The following BRINP2 variants were observed in gnomAD, a reference collection of about 807,000 sequenced individuals.
The protein encoded by BRINP2 is BMP/retinoic acid inducible neural specific 2.
Under a neutral mutation model 69.2 loss-of-function variants are expected in BRINP2, and 21 were observed. The ratio of observed to expected loss-of-function variants is 0.30; its 90% CI spans 0.22 to 0.44. The LOEUF (loss-of-function observed/expected upper bound fraction) is 0.44, where lower values mean the gene tolerates loss of function less well. BRINP2 is among the 20% of genes least tolerant of loss of function. BRINP2 has a pLI of 1.00. For synonymous variants in BRINP2, 380 were observed against 394.1 expected (o/e 0.96, Z 0.42); for missense variants, 877 against 986.0 (o/e 0.89, Z 1.48).
At chr1:177,262,930 T>G (rs573801353) in intron 4 of BRINP2, among the ~76,000 whole-genome samples, 306 of 152,306 alleles carry the variant, frequency 2.0e-3, no homozygotes, top group Admixed American at 4.6e-3. Context: ...AGCATAGTCG[T>G]AAGTTTTATC....
At chr1:177,274,054 C>G (rs980607731) in intron 5 of BRINP2, among the ~76,000 whole-genome samples, 1 of 152,002 alleles carries the variant, frequency 6.6e-6, no homozygotes, top group East Asian at 1.9e-4. Flanking sequence ...GGGACCACTA[C>G]TTACTGGAAC....
rs1428075438 is a variant in BRINP2, at chr1:177,281,216, T to G, written c.2040T>G (p.Ile680Met). The change falls in exon 8 of 8, where the codon ATT (isoleucine) becomes ATG (methionine). Residue 680 changes from isoleucine to methionine, a missense_variant. Physicochemically the swap from Ile to Met is conservative, Grantham distance 10. Around this residue, in one of 3 missense-constraint regions of BRINP2, gnomAD observed 225 missense variants for 218.7 expected, o/e 1.03. Coordinates refer to ENST00000361539, the MANE Select transcript of BRINP2 (RefSeq NM_021165.4). ...DPSKNLGYMKINTLQVFGYSL... is the reference protein window; with the variant it reads ...DPSKNLGYMKMNTLQVFGYSL... ...CTAAGAATTTGGGTTACATGAAAAT[T>G]AACACCTTGCAGGTCTTTGGCTACA... 37 of 1,614,090 alleles carry G rather than the reference T, an allele frequency of 2.3e-5. No individual in the cohort carries two copies. Among genetic ancestry groups the G allele is most frequent in the Non-Finnish European group, 3.1e-5 (36 of 1,180,046 alleles).
intron 1 of BRINP2, among the ~76,000 whole-genome samples, chr1:177,204,757 A>G (rs1047610272): frequency 1.3e-5 from 2 of 152,208 alleles, no homozygotes; most frequent in African/African-American, 4.8e-5. Flanking sequence ...AATGAAGCAA[A>G]TTTTAACTAC....
intron 2 of BRINP2, among the ~76,000 whole-genome samples, chr1:177,244,491 G>A (rs902374972): frequency 2.1e-4 from 32 of 152,138 alleles, no homozygotes; most frequent in Non-Finnish European, 4.0e-4. Context: ...TTAGCTGGGC[G>A]TGTTGGCATG....
At chr1:177,247,745 G>C (rs1446033717) in intron 2 of BRINP2, among the ~76,000 whole-genome samples, 1 of 152,224 alleles carries the variant, frequency 6.6e-6, no homozygotes, top group Admixed American at 6.5e-5. Context: ...AATGGGTTCC[G>C]TGGCTGCCTT....
At chr1:177,202,135 A>G (rs1648932469) in intron 1 of BRINP2, among the ~76,000 whole-genome samples, 1 of 151,910 alleles carries the variant, frequency 6.6e-6, no homozygotes, top group Non-Finnish European at 1.5e-5. Flanking sequence ...AATTTTGTTG[A>G]TCTTTTCAAA....
rs749962289 is a variant in BRINP2 at position 177,280,412 on chromosome 1, G to C, written c.1236G>C (p.Arg412Ser). The part of the protein sequence containing the change: ...RQPRFRLPKE[R>S]SLSYWWNRIQ... ...CTTCATTTTATCTCTGCTCCCCAAG[G>C]TCCTTGTCCTACTGGTGGAACCGAA... The change falls in exon 8 of 8, where the codon AGG (arginine) becomes AGC (serine). Residue 412 changes from arginine to serine, a missense_variant and splice_region_variant. Transcript: ENST00000361539. 9 of 1,600,606 alleles carry C rather than the reference G, an allele frequency of 5.6e-6. No homozygotes were observed. The highest frequency in any genetic ancestry group is 7.7e-6 in the Non-Finnish European group (9 of 1,173,014).
At chr1:177,236,415 C>T (rs1650023819) in intron 2 of BRINP2, among the ~76,000 whole-genome samples, 1 of 152,160 alleles carries the variant, frequency 6.6e-6, no homozygotes, top group Non-Finnish European at 1.5e-5. Context: ...ATTCTGCTGT[C>T]TTGGAGCAAG....
At chr1:177,242,740 A>G (rs1312471271) in intron 2 of BRINP2, among the ~76,000 whole-genome samples, 5 of 152,164 alleles carry the variant, frequency 3.3e-5, no homozygotes, top group Non-Finnish European at 4.4e-5. Context: ...TTTCACCTTT[A>G]TATCTCCTGA....
chr1:177,252,117 T>C lies in BRINP2; in HGVS notation c.270-3802T>C, dbSNP rs1309229381. Among the ~76,000 whole-genome samples the C allele has an allele frequency of 5.9e-5, 9 of 152,322 alleles. No homozygotes were observed. In the East Asian group the frequency reaches 1.4e-3, roughly 23 times the overall value. On this transcript the variant is annotated intron_variant, in intron 2 of 7. Transcript: ENST00000361539. Reference sequence around the variant, plus strand: ...TAGAGATGAGATTAGGCAACTGTTCTTTACCCTGCAGTGGGGTTTGGGATA... The same window carrying C: ...TAGAGATGAGATTAGGCAACTGTTCCTTACCCTGCAGTGGGGTTTGGGATA...
intron 4 of BRINP2, among the ~76,000 whole-genome samples, chr1:177,262,212 C>T (rs1650976021): frequency 6.6e-6 from 1 of 152,096 alleles, no homozygotes; most frequent in Admixed American, 6.5e-5. Context: ...TATTGATATA[C>T]TGATTAAAAT....
chr1:177,250,122 G>T (rs1650534461), intron 2 of BRINP2, among the ~76,000 whole-genome samples: 1 of 152,076 alleles, frequency 6.6e-6, no homozygotes, highest in Non-Finnish European at 1.5e-5. Flanking sequence ...TGTTGCCTGG[G>T]CTGGACTCAA....
chr1:177,250,727 A>G (rs1650554309), intron 2 of BRINP2, among the ~76,000 whole-genome samples: 1 of 152,170 alleles, frequency 6.6e-6, no homozygotes, highest in Non-Finnish European at 1.5e-5. Flanking sequence ...CTCTCTCCCC[A>G]CATGCACACA....
At chr1:177,267,534 G>A (rs914243137) in intron 4 of BRINP2, among the ~76,000 whole-genome samples, 4 of 152,010 alleles carry the variant, frequency 2.6e-5, no homozygotes, top group Non-Finnish European at 5.9e-5. Flanking sequence ...CCATGTCCTC[G>A]GTTCCTGATA....
chr1:177,185,189 C>T (rs1648391911), intron 1 of BRINP2, among the ~76,000 whole-genome samples: 1 of 152,094 alleles, frequency 6.6e-6, no homozygotes. Flanking sequence ...AACGTGCCCT[C>T]CTTTCCACCC....
chr1:177,281,190 T>C lies in BRINP2; in HGVS notation c.2014T>C (p.Ser672Pro), dbSNP rs372195886. Reference protein sequence around the residue: ...YYEPLEMTDPSKNLGYMKINT... With the variant: ...YYEPLEMTDPPKNLGYMKINT... ...TGAGCCCCTGGAGATGACTGATCCC[T>C]CTAAGAATTTGGGTTACATGAAAAT... The change falls in exon 8 of 8, where the codon TCT becomes CCT. Residue 672 changes from serine to proline, a missense_variant. Ser to Pro is a moderately conservative substitution (Grantham distance 74). Coordinates refer to ENST00000361539, the MANE Select transcript of BRINP2 (RefSeq NM_021165.4). 1.4e-5 allele frequency: 22 copies of C among 1,614,090 alleles called. No individual in the cohort carries two copies. The African/African-American group carries it at 2.7e-4, about 20-fold the overall frequency.
chr1:177,197,765 G>A (rs1648789332), intron 1 of BRINP2, among the ~76,000 whole-genome samples: 4 of 152,170 alleles, frequency 2.6e-5, no homozygotes, highest in Admixed American at 2.6e-4. Flanking sequence ...AGAGACCATG[G>A]AATTTACCTG....
chr1:177,251,232 G>A (rs1184058572), intron 2 of BRINP2, among the ~76,000 whole-genome samples: 2 of 152,148 alleles, frequency 1.3e-5, no homozygotes, highest in African/African-American at 4.8e-5. Flanking sequence ...CAAATGGGCA[G>A]GTTAAAACTG....
intron 1 of BRINP2, among the ~76,000 whole-genome samples, chr1:177,199,824 A>G (rs1648849460): frequency 6.6e-6 from 1 of 152,178 alleles, no homozygotes; most frequent in African/African-American, 2.4e-5. Flanking sequence ...TATTCTTCTC[A>G]AGCAATGCAT....
Sources: allele counts gnomAD v4.1 joint callset (sites outside exome capture counted in the v4.1 genomes callset), GRCh38; gene constraint gnomAD v4.1.1; regional missense constraint gnomAD v4.1.1; transcripts MANE v1.5; gene names NCBI Gene and HGNC (gene_info 2026-07-23, HGNC 2026-07-21).